Variants in FHIT observed in about 807,000 individuals in gnomAD.
FHIT encodes fragile histidine triad diadenosine triphosphatase.
Under a neutral mutation model 17.9 loss-of-function variants are expected in FHIT, and 19 were observed. The observed-to-expected ratio is 1.06, with a 90% CI of 0.74 to 1.56. The LOEUF is 1.56. Ranked by LOEUF, FHIT falls within the 40% of genes most tolerant of loss-of-function variation. The pLI, the probability that FHIT is intolerant of heterozygous loss-of-function variation, is 0.00. For missense variants in FHIT, 248 were observed against 189.2 expected (o/e 1.31, Z -1.82); for synonymous variants, 81 against 69.7 (o/e 1.16, Z -0.81).
chr3:60,637,093 C>T (rs544198950), intron 4 of FHIT, among the ~76,000 whole-genome samples: 3 of 152,082 alleles, frequency 2.0e-5, no homozygotes, highest in East Asian at 3.9e-4. Flanking sequence ...CCCTCTGAGT[C>T]ACTGCAAAAG....
At chr3:60,332,916 C>T (rs1197876288) in intron 5 of FHIT, among the ~76,000 whole-genome samples, 2 of 152,146 alleles carry the variant, frequency 1.3e-5, no homozygotes, top group African/African-American at 4.8e-5. Flanking sequence ...GTGTCTGCTC[C>T]TAGACACCAC....
At chr3:60,565,169 C>T (rs2037088248) in intron 4 of FHIT, among the ~76,000 whole-genome samples, 1 of 152,132 alleles carries the variant, frequency 6.6e-6, no homozygotes. Context: ...ATATTGCATA[C>T]TTAATAGACT....
At chr3:60,910,412 T>A (rs80140577) in intron 3 of FHIT, among the ~76,000 whole-genome samples, 1 of 135,904 alleles carries the variant, frequency 7.4e-6, no homozygotes, top group African/African-American at 3.2e-5. Flanking sequence ...CTTTCTCTCT[T>A]TTTTTTTTTT....
chr3:61,111,791 A>G (rs966446118), intron 2 of FHIT, among the ~76,000 whole-genome samples: 1 of 152,222 alleles, frequency 6.6e-6, no homozygotes. Flanking sequence ...AAGCAGATAC[A>G]TATGTACGTA....
intron 7 of FHIT, among the ~76,000 whole-genome samples, chr3:59,970,867 T>C (rs1426934667): frequency 1.3e-5 from 2 of 150,710 alleles, no homozygotes; most frequent in Non-Finnish European, 2.9e-5. Flanking sequence ...CTAAAATTTC[T>C]ACATTCAATC....
chr3:61,036,909 TTTTTGTTTGTTTG>T (rs2033275200), intron 3 of FHIT, among the ~76,000 whole-genome samples: 1 of 136,220 alleles, frequency 7.3e-6, no homozygotes, highest in African/African-American at 2.8e-5. Context: ...TTGTTTTTTT[TTTTTGTTTGTTTG>T]TTTTTTTGAG....
intron 5 of FHIT, among the ~76,000 whole-genome samples, chr3:60,224,033 G>C (rs1180921484): frequency 1.3e-5 from 2 of 152,088 alleles, no homozygotes; most frequent in South Asian, 4.1e-4. Flanking sequence ...CCTCCATATA[G>C]TGTGAACTAT....
intron 3 of FHIT, among the ~76,000 whole-genome samples, chr3:60,907,150 A>C (rs538011968): frequency 6.6e-6 from 1 of 152,326 alleles, no homozygotes; most frequent in East Asian, 1.9e-4. Flanking sequence ...CAAAACAAAA[A>C]AAAACCTTAA....
At chr3:60,475,410 T>C (rs1351173388) in intron 5 of FHIT, among the ~76,000 whole-genome samples, 2 of 152,220 alleles carry the variant, frequency 1.3e-5, no homozygotes, top group African/African-American at 4.8e-5. Flanking sequence ...AAACAGAAAA[T>C]AGATTGAATA....
chr3:59,870,834 T>C (rs1217642843), intron 8 of FHIT, among the ~76,000 whole-genome samples: 1 of 151,784 alleles, frequency 6.6e-6, no homozygotes, highest in Non-Finnish European at 1.5e-5. Flanking sequence ...TTGATACTTC[T>C]CAAATCATCC....
At chr3:60,731,073 G>A (rs554941039) in intron 4 of FHIT, among the ~76,000 whole-genome samples, 1 of 152,266 alleles carries the variant, frequency 6.6e-6, no homozygotes, top group East Asian at 1.9e-4. Context: ...GAAGGTTGCA[G>A]TGAGCCAGGG....
chr3:60,473,591 T>C (rs1311500795), intron 5 of FHIT, among the ~76,000 whole-genome samples: 1 of 152,188 alleles, frequency 6.6e-6, no homozygotes, highest in East Asian at 1.9e-4. Flanking sequence ...AAAAATTTTC[T>C]TTGGAAATAC....
intron 5 of FHIT, among the ~76,000 whole-genome samples, chr3:60,451,753 G>A (rs1165428337): frequency 6.6e-6 from 1 of 152,160 alleles, no homozygotes; most frequent in African/African-American, 2.4e-5. Flanking sequence ...ACTATGAGAA[G>A]CATTCCAAAC....
At chr3:60,831,188 T>C (rs766925088) in intron 3 of FHIT, among the ~76,000 whole-genome samples, 1 of 152,154 alleles carries the variant, frequency 6.6e-6, no homozygotes, top group Non-Finnish European at 1.5e-5. Flanking sequence ...TGATTATATA[T>C]AATGAGGAGA....
intron 8 of FHIT, among the ~76,000 whole-genome samples, chr3:59,897,904 C>A (rs555487303): frequency 5.3e-5 from 8 of 152,048 alleles, no homozygotes; most frequent in African/African-American, 1.7e-4. Flanking sequence ...GTAGCTGGGA[C>A]TACAGGCACC....
chr3:60,484,925 T>C (rs574118634), intron 5 of FHIT, among the ~76,000 whole-genome samples: 1 of 152,010 alleles, frequency 6.6e-6, no homozygotes, highest in East Asian at 1.9e-4. Flanking sequence ...ATGTCTAATA[T>C]CCAGAACTTA....
chr3:61,092,342 C>T (rs546623506), intron 2 of FHIT, among the ~76,000 whole-genome samples: 99 of 152,264 alleles, frequency 6.5e-4, no homozygotes, highest in South Asian at 2.3e-3. Context: ...CAACGACCCA[C>T]TACGTCAAGC....
At chr3:60,075,962 G>A (rs539282711) in intron 5 of FHIT, among the ~76,000 whole-genome samples, 2 of 152,150 alleles carry the variant, frequency 1.3e-5, no homozygotes, top group Admixed American at 6.6e-5. Context: ...AAACAGCTAC[G>A]TGTGAGTTCT....
chr3:60,202,978 A>G (rs213309), intron 5 of FHIT, among the ~76,000 whole-genome samples: 140,225 of 151,886 alleles, frequency 0.92, 64,757 homozygotes, highest in East Asian at 1. Context: ...CAGTGACAGA[A>G]TAATTTGTTT....
Sources: gnomAD v4.1 joint callset for allele counts (sites outside exome capture counted in the v4.1 genomes callset) on GRCh38, gnomAD v4.1.1 for gene constraint, MANE v1.5 for transcripts, NCBI Gene and HGNC (gene_info 2026-07-23, HGNC 2026-07-21) for gene names.